Variants in COA1 observed in about 807,000 individuals in gnomAD.
The protein encoded by COA1 is cytochrome c oxidase assembly factor 1, also known as cytochrome c oxidase assembly factor 1 homolog.
COA1 carries 13 observed loss-of-function variants against 16.0 expected under a neutral mutation model. The ratio of observed to expected loss-of-function variants is 0.81; its 90% CI spans 0.53 to 1.29. The LOEUF (loss-of-function observed/expected upper bound fraction) is 1.29, where lower values mean the gene tolerates loss of function less well. Among genes scored for constraint, COA1 ranks in the 50% most tolerant of loss-of-function variants. The pLI is 0.00. For synonymous variants in COA1, 65 were observed against 65.7 expected (o/e 0.99, Z 0.05); for missense variants, 179 against 177.0 (o/e 1.01, Z -0.06).
chr7:43,724,666 A>G (rs2095577471), intron 1 of COA1, among the ~76,000 whole-genome samples: 1 of 152,246 alleles, frequency 6.6e-6, no homozygotes, highest in Admixed American at 6.5e-5. Flanking sequence ...TCTATCGACT[A>G]ATGAATGGAT....
chr7:43,686,400 G>A (rs906530751), intron 1 of COA1, among the ~76,000 whole-genome samples: 7 of 148,848 alleles, frequency 4.7e-5, no homozygotes, highest in East Asian at 4.0e-4. Context: ...TCCGCCTTCC[G>A]GGTTCACGCC....
chr7:43,671,344 C>CG (rs2093248438), intron 1 of COA1, among the ~76,000 whole-genome samples: 1 of 144,758 alleles, frequency 6.9e-6, no homozygotes, highest in African/African-American at 2.5e-5. Context: ...CCCACAGAAA[C>CG]GGAAAAAAAA....
intron 3 of COA1, chr7:43,646,425 C>T: frequency 2.6e-6 from 1 of 385,128 alleles, no homozygotes; most frequent in South Asian, 1.8e-5. Context: ...CAAGCACTAA[C>T]ATTACCACAC....
At chr7:43,687,556 GATAA>G (rs1328227483) in intron 1 of COA1, among the ~76,000 whole-genome samples, 3 of 152,060 alleles carry the variant, frequency 2.0e-5, no homozygotes, top group East Asian at 3.8e-4. Flanking sequence ...GTTTTATGAT[GATAA>G]ATAAAGCAAA....
chr7:43,659,145 C>T (rs960655183), intron 1 of COA1: 4 of 152,226 alleles, frequency 2.6e-5, no homozygotes, highest in Non-Finnish European at 4.4e-5. Context: ...AGCAGCAGAC[C>T]TGCAAAGAAG....
intron 1 of COA1, among the ~76,000 whole-genome samples, chr7:43,661,824 T>C (rs1045627723): frequency 2.0e-5 from 3 of 152,124 alleles, no homozygotes; most frequent in African/African-American, 7.2e-5. Flanking sequence ...TTACTTGTCC[T>C]GAAAAGGAAA....
Position 43,640,583 on chromosome 7 carries a change from G to A in COA1, c.331C>T (p.Pro111Ser), listed in dbSNP as rs957222043. 17 of 1,604,420 alleles carry A rather than the reference G, an allele frequency of 1.1e-5. No individual in the cohort carries two copies. Among genetic ancestry groups the A allele is most frequent in the African/African-American group, 1.3e-5 (1 of 74,282 alleles). Residue 111 changes from proline (P) to serine (S), a missense_variant, in exon 5 of 6, where the codon CCC becomes TCC. Physicochemically the swap from Pro to Ser is moderately conservative, Grantham distance 74 (BLOSUM62 -1). Coordinates refer to ENST00000223336, the MANE Select transcript of COA1 (RefSeq NM_018224.4). ...ACCTTCCCAGGATACCTCTGAAAGG[G>A]GCCACCTCTGGATGAGTGGACGTAG... is the stretch of plus-strand genomic sequence containing the variant. The part of the protein sequence containing the change: ...LLYVHSSRGG[P>S]FQRWHLDEVF...
At chr7:43,702,900 G>C (rs1394093981) in intron 1 of COA1, among the ~76,000 whole-genome samples, 1 of 152,078 alleles carries the variant, frequency 6.6e-6, no homozygotes, top group Non-Finnish European at 1.5e-5. Context: ...TTTGAGGTTG[G>C]TTTGCTCTTG....
intron 3 of COA1, chr7:43,646,620 T>G: frequency 4.4e-6 from 2 of 456,716 alleles, no homozygotes; most frequent in South Asian, 3.1e-5. Context: ...AGCTGAACCC[T>G]GACCCAAAAG....
At chr7:43,687,400 C>T (rs964874789) in intron 1 of COA1, among the ~76,000 whole-genome samples, 2 of 152,146 alleles carry the variant, frequency 1.3e-5, no homozygotes, top group African/African-American at 4.8e-5. Flanking sequence ...CATTACAAAT[C>T]CACCATATTT....
At position 43,721,303 on chromosome 7, in the gene COA1, A is replaced by G. The variant is rs1401864960; in HGVS notation, c.-39+8126T>C. ...GTTAAATGTCAGTTCTTAATTAACC[A>G]TCTTGATTTTCTGATGTAAAAAATG... On this transcript the variant is annotated intron_variant, in intron 1 of 5. Coordinates refer to ENST00000223336, the MANE Select transcript of COA1 (RefSeq NM_018224.4). Among the ~76,000 whole-genome samples, 4 of 152,370 alleles carry G rather than the reference A, an allele frequency of 2.6e-5. No individual in the cohort carries two copies. The East Asian group carries it at 7.7e-4, about 29-fold the overall frequency.
At chr7:43,663,981 A>G (rs937783205) in intron 1 of COA1, among the ~76,000 whole-genome samples, 1 of 152,132 alleles carries the variant, frequency 6.6e-6, no homozygotes, top group African/African-American at 2.4e-5. Flanking sequence ...CCTTAAGCCC[A>G]GGAGTCAGAG....
At chr7:43,703,622 G>A (rs1195508355) in intron 1 of COA1, among the ~76,000 whole-genome samples, 1 of 151,954 alleles carries the variant, frequency 6.6e-6, no homozygotes, top group African/African-American at 2.4e-5. Context: ...ATTATTGTTG[G>A]TTTAAAGTCG....
At chr7:43,702,174 T>C (rs558285500) in intron 1 of COA1, among the ~76,000 whole-genome samples, 1 of 152,112 alleles carries the variant, frequency 6.6e-6, no homozygotes, top group Non-Finnish European at 1.5e-5. Flanking sequence ...GTTGGACCTA[T>C]GACAAAACCT....
chr7:43,623,712 C>T, intron 6 of COA1: 1 of 1,605,256 alleles, frequency 6.2e-7, no homozygotes, highest in East Asian at 2.2e-5. Context: ...AATTTAGGAG[C>T]ATTGGAGTGT....
At chr7:43,676,040 C>T (rs1347466756) in intron 1 of COA1, among the ~76,000 whole-genome samples, 13 of 152,028 alleles carry the variant, frequency 8.6e-5, no homozygotes, top group Non-Finnish European at 7.4e-5. Context: ...TATCCCTGCT[C>T]CCTCATAAAC....
chr7:43,647,867 G>A, intron 2 of COA1: 2 of 527,356 alleles, frequency 3.8e-6, no homozygotes, highest in Non-Finnish European at 6.8e-6. Context: ...CATGCTGTGG[G>A]GGCCCTGCCA....
intron 1 of COA1, among the ~76,000 whole-genome samples, chr7:43,679,450 G>A (rs2093672858): frequency 6.6e-6 from 1 of 152,018 alleles, no homozygotes; most frequent in African/African-American, 2.4e-5. Context: ...GACCAAGATA[G>A]AAATAAAGCT....
At chr7:43,678,328 C>T (rs2093626356) in intron 1 of COA1, among the ~76,000 whole-genome samples, 1 of 152,132 alleles carries the variant, frequency 6.6e-6, no homozygotes, top group South Asian at 2.1e-4. Context: ...CAAAAATTAA[C>T]TCAAAATGGA....
Sources: allele counts gnomAD v4.1 joint callset (sites outside exome capture counted in the v4.1 genomes callset), GRCh38; gene constraint gnomAD v4.1.1; transcripts MANE v1.5; gene names NCBI Gene and HGNC (gene_info 2026-07-23, HGNC 2026-07-21).